SLC39A6: variants seen among roughly 807,000 people sequenced by gnomAD.
SLC39A6 encodes the protein zinc transporter ZIP6.
SLC39A6 carries 51 observed loss-of-function variants against 63.5 expected under a neutral mutation model. The ratio of observed to expected loss-of-function variants is 0.80; its 90% CI spans 0.64 to 1.01. The LOEUF (loss-of-function observed/expected upper bound fraction) is 1.01, where lower values mean the gene tolerates loss of function less well. Among genes scored for constraint, SLC39A6 ranks in the 50% least tolerant of loss-of-function variants. The probability of loss-of-function intolerance (pLI) is 0.00; values close to 1 mark genes in which losing one functional copy is unlikely to be tolerated. For synonymous variants in SLC39A6, 318 were observed against 324.7 expected (o/e 0.98, Z 0.22); for missense variants, 805 against 927.8 (o/e 0.87, Z 1.72).
chr18:36,127,103 C>A (rs2144514476), intron 1 of SLC39A6, 87 bp from the exon 2 acceptor site: 1 of 1,191,368 alleles, frequency 8.4e-7, no homozygotes, highest in East Asian at 2.5e-5. Context: ...AATGTGTAAT[C>A]AAATAATCAA....
chr18:36,110,329 A>G (rs2089290815), intron 9 of SLC39A6, among the ~76,000 whole-genome samples: 1 of 151,908 alleles, frequency 6.6e-6, no homozygotes, highest in African/African-American at 2.4e-5. Context: ...TAGAAAATTC[A>G]CTGCCTGATT....
At chr18:36,122,024 A>G in intron 5 of SLC39A6, 28 bp downstream of exon 5, 1 of 1,459,944 alleles carries the variant, frequency 6.8e-7, no homozygotes, top group Non-Finnish European at 9.5e-7. Flanking sequence ...TCTGAAGCAT[A>G]GTAAGTACTC....
At position 36,122,177 on chromosome 18, in the gene SLC39A6, T is replaced by C. The variant is rs758381044; in HGVS notation, c.1234A>G (p.Ile412Val). The change falls in exon 5 of 10, where the codon ATA (isoleucine) becomes GTA (valine). Residue 412 changes from isoleucine to valine, a missense_variant. Ile to Val is a conservative substitution (Grantham distance 29). Coordinates refer to ENST00000269187, the MANE Select transcript of SLC39A6 (RefSeq NM_012319.4). ...PLFSHLSSQNIEESAYFDSTW... is the reference protein window; with the variant it reads ...PLFSHLSSQNVEESAYFDSTW... ...GAATCAAAATAGGCACTTTCTTCTA[T>C]GTTTTGAGAAGACAGATGACTGAAA... 6.8e-6 allele frequency: 11 copies of C among 1,613,750 alleles called. No individual in the cohort carries two copies. In the African/African-American group the frequency reaches 9.3e-5, roughly 14 times the overall value.
At chr18:36,116,970 G>A (rs767080602) in intron 5 of SLC39A6, among the ~76,000 whole-genome samples, 191 bp from the exon 6 acceptor site, 11 of 152,194 alleles carry the variant, frequency 7.2e-5, no homozygotes, top group Non-Finnish European at 1.6e-4. Flanking sequence ...CAGGCGCGGC[G>A]GCTCACGCCT....
intron 5 of SLC39A6, among the ~76,000 whole-genome samples, chr18:36,121,423 C>T (rs2089393052): frequency 6.6e-6 from 1 of 152,186 alleles, no homozygotes; most frequent in Admixed American, 6.5e-5. Context: ...TCCCAAAGTG[C>T]TGGGATTACA....
chr18:36,109,971 A>G (rs1186986596), intron 9 of SLC39A6, among the ~76,000 whole-genome samples: 1 of 152,204 alleles, frequency 6.6e-6, no homozygotes, highest in African/African-American at 2.4e-5. Context: ...CTGGGCAAGA[A>G]AAAGTTTGTA....
intron 6 of SLC39A6, among the ~76,000 whole-genome samples, chr18:36,116,227 G>C (rs1461671990): frequency 6.6e-6 from 1 of 152,022 alleles, no homozygotes; most frequent in Non-Finnish European, 1.5e-5. Context: ...ATGAGAGAAT[G>C]TCCATTTTCC....
chr18:36,120,414 C>T (rs145540256), intron 5 of SLC39A6, among the ~76,000 whole-genome samples: 1 of 152,218 alleles, frequency 6.6e-6, no homozygotes, highest in Non-Finnish European at 1.5e-5. Flanking sequence ...TTTAGGTCCA[C>T]TAAAGAGAAG....
At chr18:36,109,872 C>T (rs2089287394) in intron 9 of SLC39A6, 127 bp from the exon 10 acceptor site, 1 of 692,010 alleles carries the variant, frequency 1.4e-6, no homozygotes, top group Non-Finnish European at 2.5e-6. Flanking sequence ...TGAGTTAATT[C>T]CTTAAAACAT....
intron 2 of SLC39A6, among the ~76,000 whole-genome samples, chr18:36,125,789 C>G (rs1427671971): frequency 6.6e-6 from 1 of 152,176 alleles, no homozygotes; most frequent in Non-Finnish European, 1.5e-5. Flanking sequence ...GACCTTCTGT[C>G]AAGGAGGCAG....
In SLC39A6 at chr18:36,122,174, CTA is replaced by C. The variant is rs757239026; in HGVS notation, c.1235_1236del (p.Ile412ArgfsTer7). On this transcript the variant is annotated frameshift_variant, in exon 5 of 10. Transcript: ENST00000269187. LOFTEE classifies it high-confidence loss of function. ...GTGGAATCAAAATAGGCACTTTCTT[CTA>C]TGTTTTGAGAAGACAGATGACTGAA... ...PLFSHLSSQN[I>X]EESAYFDSTW... is the part of the protein sequence containing the mutation. 8 of 1,613,906 alleles carry C rather than the reference CTA, an allele frequency of 5.0e-6. No homozygotes were observed. The highest frequency in any genetic ancestry group is 1.3e-5 in the African/African-American group (1 of 74,918).
intron 5 of SLC39A6, among the ~76,000 whole-genome samples, chr18:36,121,443 C>T (rs954395394): frequency 3.3e-5 from 5 of 152,190 alleles, no homozygotes; most frequent in Non-Finnish European, 7.3e-5. Flanking sequence ...AGGCATGAAC[C>T]ACCCCACCTG....
At position 36,126,301 on chromosome 18, in the gene SLC39A6, G is replaced by C; in HGVS notation, c.707C>G (p.Ala236Gly). The part of the protein sequence containing the change: ...VTSKSRVSRL[A>G]GRKTNESVSE... Reference sequence around the variant, plus strand: ...CACAGATTCATTTGTTTTCCTACCAGCCAGCCGGCTCACCCGGCTCTTTGA... The same window carrying C: ...CACAGATTCATTTGTTTTCCTACCACCCAGCCGGCTCACCCGGCTCTTTGA... Residue 236 changes from alanine (A) to glycine (G), a missense_variant, in exon 2 of 10, where the codon GCT becomes GGT. This residue lies in a region of SLC39A6 where 639 missense variants were observed against 644.0 expected (regional missense o/e 0.99). Coordinates refer to ENST00000269187, the MANE Select transcript of SLC39A6 (RefSeq NM_012319.4). 6.2e-7 allele frequency: 1 copy of C among 1,614,222 alleles called. No homozygotes were observed. Among genetic ancestry groups the C allele is most frequent in the Non-Finnish European group, 8.5e-7 (1 of 1,180,042 alleles).
At chr18:36,127,039 ATTC>A in intron 1 of SLC39A6, 23 bp from the exon 2 acceptor site, 5 of 1,553,014 alleles carry the variant, frequency 3.2e-6, no homozygotes, top group Non-Finnish European at 4.3e-6. Context: ...GGAAAAAAAA[ATTC>A]TTGACTCACT....
At chr18:36,112,963 T>C (rs2089312617) in intron 7 of SLC39A6, among the ~76,000 whole-genome samples, 1 of 152,236 alleles carries the variant, frequency 6.6e-6, no homozygotes, top group African/African-American at 2.4e-5. Flanking sequence ...CTCAGAGGAA[T>C]TTACTATGTA....
Position 36,113,399 on chromosome 18 carries a change from G to A in SLC39A6, c.1843+698C>T, listed in dbSNP as rs76326967. Among the ~76,000 whole-genome samples the A allele has an allele frequency of 4.3e-3, 654 of 152,044 alleles. 7 individuals carry two copies. Among genetic ancestry groups the A allele is most frequent in the African/African-American group, 0.015 (609 of 41,462 alleles). On this transcript the variant is annotated intron_variant, in intron 7 of 9. Coordinates refer to ENST00000269187, the MANE Select transcript of SLC39A6 (RefSeq NM_012319.4). ...CAGACATGAGCTACCGCACCCAGCC[G>A]ACTGTGCAATCGGACATTCCTCCTT...
At position 36,129,168 on chromosome 18, in the gene SLC39A6, C is replaced by G. The variant is rs1260020328; in HGVS notation, c.-64G>C. On this transcript the variant is annotated 5_prime_UTR_variant, in exon 1 of 10. Coordinates refer to ENST00000269187, the MANE Select transcript of SLC39A6 (RefSeq NM_012319.4). ...GGCCACGCGCGCAGGTTTGGTTCCACACGGGCGGTCCAGAGGGCTCGGAAC... is the reference window on the plus strand; with the variant it reads ...GGCCACGCGCGCAGGTTTGGTTCCAGACGGGCGGTCCAGAGGGCTCGGAAC... 6.6e-6 allele frequency: 1 copy of G among 152,492 alleles called. No individual in the cohort carries two copies. Among genetic ancestry groups the G allele is most frequent in the Non-Finnish European group, 1.5e-5 (1 of 68,216 alleles). The allele number at this position is 152,492 out of a possible 1,614,324, so 9.4% of individuals were successfully genotyped here. A position where few individuals can be genotyped will look rare whatever the true frequency, so the allele number is the denominator to read the frequency against.
At chr18:36,112,415 A>C in intron 8 of SLC39A6, 86 bp downstream of exon 8, 1 of 918,012 alleles carries the variant, frequency 1.1e-6, no homozygotes, top group Non-Finnish European at 1.8e-6. Flanking sequence ...ATTGATGAAG[A>C]AGCTTGCTGA....
At chr18:36,121,043 C>T (rs754010905) in intron 5 of SLC39A6, among the ~76,000 whole-genome samples, 3 of 151,972 alleles carry the variant, frequency 2.0e-5, no homozygotes, top group East Asian at 1.9e-4. Flanking sequence ...ATACAGAATA[C>T]GGAACTCCAA....
Sources: gnomAD v4.1 joint callset for allele counts (sites outside exome capture counted in the v4.1 genomes callset) on GRCh38, gnomAD v4.1.1 for gene constraint, gnomAD v4.1.1 regional missense constraint, MANE v1.5 for transcripts, NCBI Gene and HGNC (gene_info 2026-07-23, HGNC 2026-07-21) for gene names.